Variants in LDLRAD4 observed in about 807,000 individuals in gnomAD.
LDLRAD4 encodes the protein low density lipoprotein receptor class A domain containing 4.
A neutral mutation model predicts 17.0 loss-of-function variants in LDLRAD4; 5 were observed. The ratio of observed to expected loss-of-function variants is 0.29; its 90% CI spans 0.15 to 0.62. LDLRAD4 has a LOEUF of 0.62. LDLRAD4 is among the 20% of genes least tolerant of loss of function. The pLI is 0.84. For synonymous variants in LDLRAD4, 168 were observed against 171.8 expected, an observed-to-expected ratio of 0.98 and a Z score of 0.17; for missense variants, 340 against 424.7, an observed-to-expected ratio of 0.80 and a Z score of 1.75.
intron 1 of LDLRAD4, among the ~76,000 whole-genome samples, chr18:13,338,468 G>A (rs1275492602): frequency 6.6e-6 from 1 of 152,322 alleles, no homozygotes; most frequent in South Asian, 2.1e-4. Flanking sequence ...TCTGACCACT[G>A]CTGTGCCCTT....
At chr18:13,474,043 C>T (rs943759035) in intron 3 of LDLRAD4, among the ~76,000 whole-genome samples, 7 of 151,948 alleles carry the variant, frequency 4.6e-5, no homozygotes, top group African/African-American at 7.3e-5. Context: ...TCATGAGGTT[C>T]GGTTGTTTGA....
At chr18:13,642,928 GTTTTTTT>G (rs113846373) in intron 4 of LDLRAD4, among the ~76,000 whole-genome samples, 2 of 133,788 alleles carry the variant, frequency 1.5e-5, no homozygotes, top group Non-Finnish European at 3.2e-5. Flanking sequence ...TCTATTTTTT[GTTTTTTT>G]TTTTTCTTCT....
intron 1 of LDLRAD4, among the ~76,000 whole-genome samples, chr18:13,225,041 G>A (rs942808666): frequency 7.2e-4 from 109 of 151,456 alleles, no homozygotes; most frequent in Admixed American, 1.8e-3. Context: ...TCGTCATGTT[G>A]GCCAGGCTGG....
chr18:13,324,323 T>TC (rs879837582), intron 1 of LDLRAD4, among the ~76,000 whole-genome samples: 27 of 151,422 alleles, frequency 1.8e-4, no homozygotes, highest in Middle Eastern at 3.4e-3. Context: ...ATTTTTTTTT[T>TC]AGTAGAGATG....
exon 6 of LDLRAD4, chr18:13,651,119 A>G (rs182612722): frequency 6.6e-6 from 1 of 152,348 alleles, no homozygotes; most frequent in East Asian, 1.9e-4. Context: ...TCCTGCATCT[A>G]TCTCCTGCTG....
chr18:13,387,615 G>A, exon 2 of LDLRAD4: 1 of 1,020,066 alleles, frequency 9.8e-7, no homozygotes. Context: ...CGGCCCAGCA[G>A]AGCGATGGAC....
At chr18:13,251,400 G>T (rs2043216734) in intron 1 of LDLRAD4, among the ~76,000 whole-genome samples, 1 of 152,036 alleles carries the variant, frequency 6.6e-6, no homozygotes, top group Non-Finnish European at 1.5e-5. Flanking sequence ...GAGAAAGAAA[G>T]GACATCCAAA....
intron 4 of LDLRAD4, among the ~76,000 whole-genome samples, chr18:13,623,645 T>C (rs2040857142): frequency 6.6e-6 from 1 of 152,234 alleles, no homozygotes; most frequent in Non-Finnish European, 1.5e-5. Context: ...CCCGATCTGG[T>C]GTATTAGCCC....
At chr18:13,617,104 C>CT (rs74886341) in intron 3 of LDLRAD4, among the ~76,000 whole-genome samples, 7,246 of 143,270 alleles carry the variant, frequency 0.051, 459 homozygotes, top group African/African-American at 0.15. Context: ...GGGGCCTTTA[C>CT]TTTTTTTTTT....
intron 2 of LDLRAD4, among the ~76,000 whole-genome samples, chr18:13,397,036 C>T (rs1344743530): frequency 6.6e-6 from 1 of 152,236 alleles, no homozygotes; most frequent in Admixed American, 6.5e-5. Context: ...TGGGGGTGTG[C>T]CCATTTCACA....
At chr18:13,224,474 CTTT>C (rs10676168) in intron 1 of LDLRAD4, among the ~76,000 whole-genome samples, 3 of 87,876 alleles carry the variant, frequency 3.4e-5, no homozygotes, top group Admixed American at 1.6e-4. Context: ...TTCTTTCTTT[CTTT>C]TTTTTTTTTT....
At chr18:13,423,421 A>G (rs1368884076) in intron 2 of LDLRAD4, among the ~76,000 whole-genome samples, 4 of 151,784 alleles carry the variant, frequency 2.6e-5, no homozygotes, top group Non-Finnish European at 4.4e-5. Context: ...TGAACCCGGG[A>G]GGCAGAGGTT....
At chr18:13,312,900 T>C (rs1268071511) in intron 1 of LDLRAD4, among the ~76,000 whole-genome samples, 1 of 152,216 alleles carries the variant, frequency 6.6e-6, no homozygotes, top group Non-Finnish European at 1.5e-5. Flanking sequence ...TTGCATTATA[T>C]GTTCTCTGTG....
chr18:13,387,069 GGCCTTGGGA>G (rs2085893682), intron 1 of LDLRAD4, among the ~76,000 whole-genome samples: 1 of 152,232 alleles, frequency 6.6e-6, no homozygotes, highest in South Asian at 2.1e-4. Flanking sequence ...CCCAGTCTAA[GGCCTTGGGA>G]ACCAGCTTGA....
At chr18:13,342,690 T>C (rs912786633) in intron 1 of LDLRAD4, among the ~76,000 whole-genome samples, 1 of 151,932 alleles carries the variant, frequency 6.6e-6, no homozygotes, top group Non-Finnish European at 1.5e-5. Context: ...ATATTACAAA[T>C]AGTATTTTCC....
intron 3 of LDLRAD4, among the ~76,000 whole-genome samples, chr18:13,576,508 AT>A (rs2094775962): frequency 6.6e-6 from 1 of 151,906 alleles, no homozygotes; most frequent in Admixed American, 6.5e-5. Flanking sequence ...AAGCCATGTA[AT>A]TCTTGCCAGC....
chr18:13,305,703 C>A (rs1014418726), intron 1 of LDLRAD4, among the ~76,000 whole-genome samples: 1 of 152,136 alleles, frequency 6.6e-6, no homozygotes, highest in African/African-American at 2.4e-5. Context: ...TACCTTTTGC[C>A]ATTTCAAGAT....
intron 1 of LDLRAD4, among the ~76,000 whole-genome samples, chr18:13,301,013 C>T (rs576145066): frequency 4.6e-5 from 7 of 152,268 alleles, no homozygotes; most frequent in South Asian, 2.1e-4. Flanking sequence ...CCTCAGCGGC[C>T]GCTGGAGTGG....
intron 1 of LDLRAD4, among the ~76,000 whole-genome samples, chr18:13,383,574 G>A (rs2085553880): frequency 6.6e-6 from 1 of 152,244 alleles, no homozygotes; most frequent in South Asian, 2.1e-4. Flanking sequence ...CGTTTGTTCA[G>A]CTCCTCCAAC....
Sources: gnomAD v4.1 joint callset for allele counts (sites outside exome capture counted in the v4.1 genomes callset) on GRCh38, gnomAD v4.1.1 for gene constraint, MANE v1.5 for transcripts, NCBI Gene and HGNC (gene_info 2026-07-23, HGNC 2026-07-21) for gene names.